SOX5: variants seen among roughly 807,000 people sequenced by gnomAD.
SOX5 encodes the protein SRY-box transcription factor 5.
SOX5 carries 9 observed loss-of-function variants against 92.0 expected under a neutral mutation model. The observed-to-expected ratio is 0.10, with a 90% confidence interval of 0.06 to 0.17. The LOEUF (loss-of-function observed/expected upper bound fraction) is 0.17. Among genes scored for constraint, SOX5 ranks in the 10% least tolerant of loss-of-function variants. SOX5 has a pLI of 1.00. For missense variants in SOX5, 642 were observed against 944.5 expected, an observed-to-expected ratio of 0.68 and a Z score of 4.20; for synonymous variants, 344 against 336.3, an observed-to-expected ratio of 1.02 and a Z score of -0.25.
chr12:23,794,026 T>G (rs1658725130), intron 3 of SOX5, among the ~76,000 whole-genome samples: 1 of 152,172 alleles, frequency 6.6e-6, no homozygotes, highest in African/African-American at 2.4e-5. Context: ...ATGTATACAG[T>G]TTTTCTTTAT....
In SOX5 at chr12:24,335,979, A is replaced by ATATATATATATATATATC. The variant is rs1301436341; in HGVS notation, c.-174+32583_-174+32584insGATATATATATATATATA. Among the ~76,000 whole-genome samples, 2 of 140,354 alleles carry ATATATATATATATATATC rather than the reference A, an allele frequency of 1.4e-5. 1 individual carries two copies. Among genetic ancestry groups the ATATATATATATATATATC allele is most frequent in the African/African-American group, 5.2e-5 (2 of 38,172 alleles). The allele number at this position is 140,354 out of a possible 152,430, so 92.1% of individuals were successfully genotyped here. A position where few individuals can be genotyped will look rare whatever the true frequency, so the allele number is the denominator to read the frequency against. ...CCAGGCTAGAAATGCTATCATATATATATATATATCCATAATATTAAATTT... is the reference window on the plus strand; with the variant it reads ...CCAGGCTAGAAATGCTATCATATATATATATATATATATATATCTATATATATCCATAATATTAAATTT... On this transcript the variant is annotated intron_variant, in intron 2 of 4. Coordinates refer to the SOX5 transcript ENST00000446891.
intron 7 of SOX5, among the ~76,000 whole-genome samples, chr12:23,646,691 A>C (rs182482085): frequency 3.9e-4 from 59 of 152,318 alleles, no homozygotes; most frequent in Non-Finnish European, 7.5e-4. Context: ...CATAATCTTC[A>C]TCAGAAGTAG....
chr12:24,281,319 T>C (rs1258604127), intron 2 of SOX5, among the ~76,000 whole-genome samples: 2 of 151,424 alleles, frequency 1.3e-5, no homozygotes, highest in African/African-American at 4.9e-5. Flanking sequence ...TAAAGTATAA[T>C]AGACTCTACG....
intron 2 of SOX5, among the ~76,000 whole-genome samples, chr12:24,305,537 C>A (rs141280761): frequency 2.6e-5 from 4 of 152,234 alleles, no homozygotes; most frequent in Non-Finnish European, 4.4e-5. Context: ...TTAATCTTTG[C>A]GAGATTTCTA....
At chr12:24,297,660 G>A (rs1487245839) in intron 2 of SOX5, among the ~76,000 whole-genome samples, 2 of 152,200 alleles carry the variant, frequency 1.3e-5, no homozygotes, top group Non-Finnish European at 2.9e-5. Context: ...TCCCAGTGCT[G>A]CAGGTCAGGT....
intron 4 of SOX5, among the ~76,000 whole-genome samples, chr12:24,132,735 C>T (rs1294115454): frequency 2.0e-5 from 3 of 151,964 alleles, no homozygotes; most frequent in Non-Finnish European, 4.4e-5. Context: ...AAAACGCCAC[C>T]ACCAAATGAT....
rs573922053 is a variant in SOX5, at chr12:23,967,512, TAA to T, written c.-1-71490_-1-71489del. ...AGAAATAAGATAGATATAAAATCTA[TAA>T]ATTATATTGAATAATAGTTCCCCAG... On this transcript the variant is annotated intron_variant, in intron 4 of 4. Transcript: ENST00000446891. 5.1e-4 allele frequency among the ~76,000 whole-genome samples: 77 copies of T among 152,204 alleles called. 1 individual carries two copies. The highest frequency in any genetic ancestry group is 1.8e-3 in the African/African-American group (75 of 41,580).
chr12:23,840,843 A>G (rs1056203164), intron 3 of SOX5, among the ~76,000 whole-genome samples: 1 of 151,372 alleles, frequency 6.6e-6, no homozygotes, highest in Non-Finnish European at 1.5e-5. Flanking sequence ...TTAACTCAAA[A>G]GGGATCACAG....
intron 4 of SOX5, among the ~76,000 whole-genome samples, chr12:23,989,750 T>G (rs35692226): frequency 0.22 from 33,342 of 152,040 alleles, 3,852 homozygotes; most frequent in Non-Finnish European, 0.24. Context: ...CTGCAACACT[T>G]AAGAGGACCC....
At chr12:24,025,183 G>A (rs1355797000) in intron 4 of SOX5, among the ~76,000 whole-genome samples, 2 of 151,992 alleles carry the variant, frequency 1.3e-5, no homozygotes, top group Non-Finnish European at 2.9e-5. Context: ...GGTGGGATGA[G>A]AGCAAAGTTG....
chr12:24,406,165 G>A lies in SOX5; in HGVS notation c.-250-37526C>T, dbSNP rs138401192. On this transcript the variant is annotated intron_variant, in intron 1 of 4. Coordinates refer to the SOX5 transcript ENST00000446891. ...GCATGTTTTCCTAGAGCAGGTGTGGGCCAGGTGTGAGAGAGCCAGCCTGAA... is the reference window on the plus strand; with the variant it reads ...GCATGTTTTCCTAGAGCAGGTGTGGACCAGGTGTGAGAGAGCCAGCCTGAA... 6.3e-3 allele frequency among the ~76,000 whole-genome samples: 955 copies of A among 152,214 alleles called. 12 individuals are homozygous for A. Among genetic ancestry groups the A allele is most frequent in the African/African-American group, 0.022 (920 of 41,534 alleles).
intron 10 of SOX5, among the ~76,000 whole-genome samples, chr12:23,570,933 ATATATATATATAT>A (rs1565915060): frequency 0.023 from 192 of 8,186 alleles, 7 homozygotes; most frequent in South Asian, 0.031. Context: ...AAAAAAAAAT[ATATATATATATAT>A]ATATATATAT....
At chr12:24,160,715 T>C (rs1394666792) in intron 4 of SOX5, among the ~76,000 whole-genome samples, 3 of 152,080 alleles carry the variant, frequency 2.0e-5, no homozygotes, top group Non-Finnish European at 2.9e-5. Context: ...TGAAGTGTTT[T>C]CTTCTGTAGA....
chr12:23,616,000 A>G (rs1223335522), intron 8 of SOX5, among the ~76,000 whole-genome samples: 1 of 152,202 alleles, frequency 6.6e-6, no homozygotes. Context: ...TCTCAAATGA[A>G]TTTTTTATAT....
At chr12:23,644,648 T>C (rs1409616337) in intron 7 of SOX5, among the ~76,000 whole-genome samples, 1 of 152,138 alleles carries the variant, frequency 6.6e-6, no homozygotes, top group Non-Finnish European at 1.5e-5. Context: ...ATGAGAAAGA[T>C]TCAGTAAATA....
At chr12:23,710,424 T>C (rs1328920967) in intron 6 of SOX5, among the ~76,000 whole-genome samples, 1 of 152,170 alleles carries the variant, frequency 6.6e-6, no homozygotes, top group African/African-American at 2.4e-5. Flanking sequence ...CGGTGTGTGA[T>C]GTTCCCCTTC....
chr12:24,530,932 A>G (rs538649830), intron 1 of SOX5, among the ~76,000 whole-genome samples: 2 of 152,268 alleles, frequency 1.3e-5, no homozygotes, highest in South Asian at 4.1e-4. Flanking sequence ...TCTGAAATGA[A>G]TATCATATGA....
At chr12:24,420,919 G>A (rs1965810643) in intron 1 of SOX5, among the ~76,000 whole-genome samples, 1 of 152,128 alleles carries the variant, frequency 6.6e-6, no homozygotes, top group Non-Finnish European at 1.5e-5. Flanking sequence ...ACCACACCAT[G>A]AGTATGCCAC....
At chr12:23,637,265 G>T (rs889527427) in intron 8 of SOX5, among the ~76,000 whole-genome samples, 2 of 152,120 alleles carry the variant, frequency 1.3e-5, no homozygotes, top group African/African-American at 4.8e-5. Flanking sequence ...CCATCTTACT[G>T]CTGCCTTATC....
Sources: allele counts gnomAD v4.1 joint callset (sites outside exome capture counted in the v4.1 genomes callset), GRCh38; gene constraint gnomAD v4.1.1; transcripts MANE v1.5; gene names NCBI Gene and HGNC (gene_info 2026-07-23, HGNC 2026-07-21).